The following WIZ variants were observed in gnomAD, a reference collection of about 807,000 sequenced individuals.
The protein encoded by WIZ is WIZ zinc finger.
Under a neutral mutation model 140.2 loss-of-function variants are expected in WIZ, and 25 were observed. That is an observed-to-expected ratio of 0.18 (90% CI 0.13 to 0.25). The LOEUF (loss-of-function observed/expected upper bound fraction) is 0.25, where lower values mean the gene tolerates loss of function less well. Ranked by LOEUF, WIZ falls within the 10% of genes least tolerant of loss-of-function variation. The pLI is 1.00. For synonymous variants in WIZ, 1,125 were observed against 1,154.3 expected (o/e 0.97, Z 0.51); for missense variants, 2,231 against 2,632.6 (o/e 0.85, Z 3.34).
chr19:15,439,362 G>A lies in WIZ; in HGVS notation c.1632C>T (p.Asp544=), dbSNP rs933450063. Reference sequence around the variant, plus strand: ...ATCCTGGGCCAAAGGCCAGGCTGGGGTCGTATCCAGCAGGGTTCTCCCGCC... The same window carrying A: ...ATCCTGGGCCAAAGGCCAGGCTGGGATCGTATCCAGCAGGGTTCTCCCGCC... ...PMWRENPAGY[D]PSLAFGPGCQ... Residue 544 remains aspartate (D), a synonymous_variant, in exon 4 of 13, where the codon GAC becomes GAT. Coordinates refer to ENST00000673675, the MANE Select transcript of WIZ (RefSeq NM_001371589.1). The surrounding 1 kb of genome is among the most constrained non-coding windows in gnomAD (Gnocchi z 7.0). The A allele has an allele frequency of 3.3e-6, 5 of 1,534,314 alleles. No individual in the cohort carries two copies. Among genetic ancestry groups the A allele is most frequent in the Non-Finnish European group, 4.4e-6 (5 of 1,145,904 alleles).
rs1969205732 is a variant in WIZ at position 15,431,104 on chromosome 19, G to A, written c.2819C>T (p.Pro940Leu). The change falls in exon 6 of 13, where the codon CCT becomes CTT. Residue 940 changes from proline (P) to leucine (L), a missense_variant. Transcript: ENST00000673675. ...ACTGGCCACCTGCTCCAGGGCCCCA[G>A]GGACAGGCAGGCTCTTCTTAGGGAG... ...PSLPKKSLPVPGALEQVASRL... is the reference protein window; with the variant it reads ...PSLPKKSLPVLGALEQVASRL... 1.3e-6 allele frequency: 2 copies of A among 1,535,916 alleles called. No homozygotes were observed. Among genetic ancestry groups the A allele is most frequent in the African/African-American group, 1.4e-5 (1 of 73,160 alleles).
In WIZ at chr19:15,424,551, G is replaced by A; in HGVS notation, c.5314+62C>T. The A allele has an allele frequency of 6.5e-7, 1 of 1,534,988 alleles. No homozygotes were observed. Among genetic ancestry groups the A allele is most frequent in the Non-Finnish European group, 8.7e-7 (1 of 1,146,586 alleles). ...AGGGCCACAGCAGAGCGCCTGGGGA[G>A]TGGCTGGGTGGGCCTGACAGGTGCC... On this transcript the variant is annotated intron_variant, in intron 11 of 12. Transcript: ENST00000673675. This position sits in a 1 kb window ranked among gnomAD's most constrained non-coding sequence, Gnocchi z 9.7.
chr19:15,425,094 C>A, intron 10 of WIZ, 62 bp from the exon 11 acceptor site: 2 of 1,506,520 alleles, frequency 1.3e-6, no homozygotes, highest in Non-Finnish European at 1.8e-6. Context: ...ACCCAGATGG[C>A]CCTGCCCAGG....
chr19:15,424,313 C>T lies in WIZ; in HGVS notation c.5380G>A (p.Asp1794Asn). The change falls in exon 12 of 13, where the codon GAC becomes AAC. Residue 1794 changes from aspartate (D) to asparagine (N), a missense_variant. Around this residue, in one of 15 missense-constraint regions of WIZ, gnomAD observed 299 missense variants for 309.6 expected, o/e 0.97. Transcript: ENST00000673675. The surrounding 1 kb of genome is among the most constrained non-coding windows in gnomAD (Gnocchi z 9.7). ...ACCTCCTCCAGCTTCTGCTGTAGGT[C>T]ATTGGTGTCCTCGCCTCCCCGGGCT... Reference protein sequence around the residue: ...SAARGGEDTNDLQQKLEEVRQ... With the variant: ...SAARGGEDTNNLQQKLEEVRQ... 6.2e-7 allele frequency: 1 copy of T among 1,603,188 alleles called. No individual in the cohort carries two copies. The highest frequency in any genetic ancestry group is 1.1e-5 in the South Asian group (1 of 90,216).
At position 15,431,089 on chromosome 19, in the gene WIZ, T is replaced by G; in HGVS notation, c.2834A>C (p.Gln945Pro). 6.5e-7 allele frequency: 1 copy of G among 1,535,974 alleles called. No individual in the cohort carries two copies. Among genetic ancestry groups the G allele is most frequent in the Non-Finnish European group, 8.7e-7 (1 of 1,146,828 alleles). Residue 945 changes from glutamine to proline, a missense_variant, in exon 6 of 13, where the codon CAG (glutamine) becomes CCG (proline). Transcript: ENST00000673675. The stretch of plus-strand genomic sequence containing the variant: ...TTTGCTGCTCAGCCGACTGGCCACC[T>G]GCTCCAGGGCCCCAGGGACAGGCAG... ...KSLPVPGALEQVASRLSSKVA... is the reference protein window; with the variant it reads ...KSLPVPGALEPVASRLSSKVA...
chr19:15,446,364 C>G (rs955456621), intron 2 of WIZ, among the ~76,000 whole-genome samples: 1 of 152,198 alleles, frequency 6.6e-6, no homozygotes, highest in Non-Finnish European at 1.5e-5. Flanking sequence ...CAGGCTCCCA[C>G]AAAATCAAAG....
Position 15,428,465 on chromosome 19 carries a change from G to A in WIZ, c.3459C>T (p.Cys1153=), listed in dbSNP as rs576932115. ...DGGRELDCQL[C]GAWFETRKGL... is the part of the protein sequence containing the mutation. Reference sequence around the variant, plus strand: ...CCTTGCGGGTCTCAAACCAGGCACCGCACAGCTGGCAGTCCAGCTCTCTGC... The same window carrying A: ...CCTTGCGGGTCTCAAACCAGGCACCACACAGCTGGCAGTCCAGCTCTCTGC... Residue 1153 remains cysteine (C), a synonymous_variant, in exon 8 of 13, where the codon TGC becomes TGT. Coordinates refer to ENST00000673675, the MANE Select transcript of WIZ (RefSeq NM_001371589.1). The surrounding 1 kb of genome is among the most constrained non-coding windows in gnomAD (Gnocchi z 6.4). 2.1e-5 allele frequency: 33 copies of A among 1,535,602 alleles called. No individual in the cohort carries two copies. The highest frequency in any genetic ancestry group is 2.1e-4 in the South Asian group (18 of 84,060).
chr19:15,445,108 G>T (rs1253996054), intron 2 of WIZ, among the ~76,000 whole-genome samples: 1 of 152,252 alleles, frequency 6.6e-6, no homozygotes. Flanking sequence ...GTCAGATGAG[G>T]CGCTAGGTCG....
chr19:15,429,655 G>C lies in WIZ; in HGVS notation c.3346C>G (p.Leu1116Val). 1 of 1,422,174 alleles carries C rather than the reference G, an allele frequency of 7.0e-7. No homozygotes were observed. The highest frequency in any genetic ancestry group is 9.2e-7 in the Non-Finnish European group (1 of 1,091,042). 88.1% of individuals were successfully genotyped at this position (1,422,174 alleles called of 1,614,324 possible). The change falls in exon 7 of 13, where the codon CTG becomes GTG. Residue 1116 changes from leucine (L) to valine (V), a missense_variant. Transcript: ENST00000673675. The stretch of plus-strand genomic sequence containing the variant: ...TTTGGGGAGGCCGGCCGGGGGCTCA[G>C]GGACAGCTGGGGGCTCTTGTCCTCA... ...NPEDKSPQLS[L>V]SPRPASPKAQ...
rs1406797309 is a variant in WIZ at position 15,427,508 on chromosome 19, G to A, written c.3840C>T (p.Asp1280=). The change falls in exon 9 of 13, where the codon GAC becomes GAT. Residue 1280 remains aspartate (D), a synonymous_variant. Coordinates refer to ENST00000673675, the MANE Select transcript of WIZ (RefSeq NM_001371589.1). The surrounding 1 kb of genome is among the most constrained non-coding windows in gnomAD (Gnocchi z 6.4). ...NLSSGPEPAR[D]IRCEFCGEFF... ...ACTCACCACAGAACTCGCAGCGGAT[G>A]TCTCGTGCTGGCTCTGGGCCTGAGG... The A allele has an allele frequency of 6.2e-7, 1 of 1,610,372 alleles. No homozygotes were observed. The highest frequency in any genetic ancestry group is 8.5e-7 in the Non-Finnish European group (1 of 1,177,792).
intron 1 of WIZ, among the ~76,000 whole-genome samples, chr19:15,449,063 C>T (rs1970019216): frequency 6.6e-6 from 1 of 152,146 alleles, no homozygotes. Context: ...CCCCACCCCC[C>T]AACCAAGATT....
intron 5 of WIZ, chr19:15,436,513 G>A (rs1374149567): frequency 7.8e-6 from 3 of 386,864 alleles, no homozygotes; most frequent in Non-Finnish European, 9.2e-6. Context: ...TTTGTAAAGT[G>A]CTTAGAACGA....
chr19:15,423,290 C>G, intron 12 of WIZ, 55 bp from the exon 13 acceptor site: 1 of 1,585,890 alleles, frequency 6.3e-7, no homozygotes, highest in Non-Finnish European at 8.6e-7. Context: ...GAGGCGGAAG[C>G]ATAGCCTTGC....
At chr19:15,445,514 A>C (rs947369119) in intron 2 of WIZ, among the ~76,000 whole-genome samples, 2 of 152,108 alleles carry the variant, frequency 1.3e-5, no homozygotes, top group Non-Finnish European at 2.9e-5. Context: ...GCGATGTCTC[A>C]AGGGGGAAGC....
chr19:15,423,357 C>T (rs947460231), intron 12 of WIZ, 122 bp from the exon 13 acceptor site: 93 of 1,270,094 alleles, frequency 7.3e-5, no homozygotes, highest in Middle Eastern at 2.6e-4. Context: ...GCCCAGGAGG[C>T]GGGGGAAGAG....
intron 4 of WIZ, 68 bp downstream of exon 4, chr19:15,438,510 G>A: frequency 4.9e-6 from 7 of 1,429,728 alleles, no homozygotes; most frequent in Non-Finnish European, 6.4e-6. Context: ...CTAAGGGAGA[G>A]AATTTAGATC....
Position 15,429,115 on chromosome 19 carries a change from C to T in WIZ, c.3415+471G>A, listed in dbSNP as rs867806445. Among the ~76,000 whole-genome samples the T allele has an allele frequency of 1.2e-3, 176 of 152,222 alleles. 3 individuals are homozygous for T. Among genetic ancestry groups the T allele is most frequent in the Middle Eastern group, 3.4e-3 (1 of 290 alleles). ...CAGGAGGTGGGGCTTCACCGGCAGG[C>T]GCAGAGAGCTGCCTCTGCGTGGTGG... On this transcript the variant is annotated intron_variant, in intron 7 of 12. Transcript: ENST00000673675.
rs1568283874 is a variant in WIZ, at chr19:15,424,107, C to A, written c.5510+76G>T. ...GCGACACCTCCCAGCTTCCACCAAACCCTATCCTGTTCCAAGGCTCCGGGT... is the reference window on the plus strand; with the variant it reads ...GCGACACCTCCCAGCTTCCACCAAAACCTATCCTGTTCCAAGGCTCCGGGT... On this transcript the variant is annotated intron_variant, in intron 12 of 12. Coordinates refer to ENST00000673675, the MANE Select transcript of WIZ (RefSeq NM_001371589.1). The surrounding 1 kb of genome is among the most constrained non-coding windows in gnomAD (Gnocchi z 9.7). 1 of 1,359,066 alleles carries A rather than the reference C, an allele frequency of 7.4e-7. No individual in the cohort carries two copies. Among genetic ancestry groups the A allele is most frequent in the East Asian group, 2.9e-5 (1 of 34,934 alleles). The allele number at this position is 1,359,066 out of a possible 1,614,324, so 84.2% of individuals were successfully genotyped here. A position where few individuals can be genotyped will look rare whatever the true frequency, so the allele number is the denominator to read the frequency against.
intron 1 of WIZ, among the ~76,000 whole-genome samples, chr19:15,449,101 A>C (rs1047319618): frequency 6.6e-6 from 1 of 151,762 alleles, no homozygotes; most frequent in Admixed American, 6.6e-5. Flanking sequence ...AAAGAAAACG[A>C]TAGGGCTCCT....
Sources: allele counts gnomAD v4.1 joint callset (sites outside exome capture counted in the v4.1 genomes callset), GRCh38; gene constraint gnomAD v4.1.1; regional missense constraint gnomAD v4.1.1; non-coding constraint Gnocchi (gnomAD v3.1); transcripts MANE v1.5; gene names NCBI Gene and HGNC (gene_info 2026-07-23, HGNC 2026-07-21).